Variants in DHRS4L2 observed in about 807,000 individuals in gnomAD.
DHRS4L2 encodes dehydrogenase/reductase 4 like 2.
A neutral mutation model predicts 23.9 loss-of-function variants in DHRS4L2; 22 were observed. The observed-to-expected ratio is 0.92, with a 90% CI of 0.66 to 1.31. The LOEUF (loss-of-function observed/expected upper bound fraction) is 1.31, where lower values mean the gene tolerates loss of function less well. Ranked by LOEUF, DHRS4L2 falls within the 40% of genes most tolerant of loss-of-function variation. The pLI is 0.00. For synonymous variants in DHRS4L2, 141 were observed against 123.7 expected (o/e 1.14, Z -0.93); for missense variants, 385 against 303.3 (o/e 1.27, Z -2.00).
At chr14:23,983,342 C>A (rs1225473632) in intron 1 of DHRS4L2, among the ~76,000 whole-genome samples, 4 of 151,706 alleles carry the variant, frequency 2.6e-5, no homozygotes, top group Admixed American at 2.0e-4. Context: ...TACCATCCCA[C>A]ACCAGTTAGA....
chr14:23,995,154 C>T lies in DHRS4L2; in HGVS notation c.408+21C>T, dbSNP rs748200084. On this transcript the variant is annotated intron_variant, in intron 3 of 7. Transcript: ENST00000335125. ...ACAAGGTGAGAGGGGATTAAAGAAG[C>T]GCGGAAGGGGGCCTCGGGACACATT... is the stretch of plus-strand genomic sequence containing the variant. The T allele has an allele frequency of 1.9e-5, 30 of 1,607,010 alleles. 1 individual carries two copies. Among genetic ancestry groups the T allele is most frequent in the South Asian group, 3.3e-5 (3 of 90,834 alleles).
upstream of DHRS4L2, among the ~76,000 whole-genome samples, chr14:23,985,993 C>A (rs1257263927): frequency 6.6e-6 from 1 of 151,468 alleles, no homozygotes; most frequent in Non-Finnish European, 1.5e-5. Context: ...GTTAGCCAGG[C>A]TTGTCTCAAA....
At position 23,990,989 on chromosome 14, in the gene DHRS4L2, A is replaced by G. The variant is rs2034257925; in HGVS notation, c.306+630A>G. The G allele has an allele frequency of 5.9e-6, 4 of 683,136 alleles. No homozygotes were observed. The African/African-American group carries it at 5.9e-5, about 10-fold the overall frequency. The allele number at this position is 683,136 out of a possible 1,614,324, so 42.3% of individuals were successfully genotyped here. A position where few individuals can be genotyped will look rare whatever the true frequency, so the allele number is the denominator to read the frequency against. On this transcript the variant is annotated intron_variant, in intron 2 of 7. Transcript: ENST00000335125. ...CAGTCTCAAAGAAAGTACATAAGTC[A>G]ATGTCATAATTAGTAGTGGACAACA...
At chr14:23,973,227 C>A (rs540420598) in intron 1 of DHRS4L2, among the ~76,000 whole-genome samples, 3 of 152,086 alleles carry the variant, frequency 2.0e-5, no homozygotes, top group African/African-American at 7.2e-5. Flanking sequence ...TGGGGAGAAA[C>A]CTTGGACAAT....
intron 3 of DHRS4L2, among the ~76,000 whole-genome samples, chr14:24,000,010 T>C (rs543748729): frequency 7.1e-6 from 1 of 141,320 alleles, no homozygotes; most frequent in African/African-American, 3.0e-5. Context: ...TTTTTTTTTT[T>C]TTAATTTACA....
chr14:23,994,607 G>A (rs1204611311), intron 2 of DHRS4L2, among the ~76,000 whole-genome samples: 1 of 151,610 alleles, frequency 6.6e-6, no homozygotes, highest in Non-Finnish European at 1.5e-5. Flanking sequence ...AGGATGGCTT[G>A]AACCCAGTAG....
At chr14:23,987,169 C>T (rs141116440), upstream of DHRS4L2, 21 of 319,694 alleles carry the variant, frequency 6.6e-5, no homozygotes, top group East Asian at 2.6e-3. Context: ...CTCCATCTGT[C>T]GCTCAGGTTG....
At chr14:23,987,131 G>GC, upstream of DHRS4L2, 1 of 285,366 alleles carries the variant, frequency 3.5e-6, no homozygotes, top group South Asian at 2.7e-5. Context: ...TGAAATCCTT[G>GC]TTTTTTTTCT....
upstream of DHRS4L2, among the ~76,000 whole-genome samples, chr14:23,986,086 A>T (rs1226898949): frequency 6.6e-6 from 1 of 151,240 alleles, no homozygotes; most frequent in African/African-American, 2.4e-5. Context: ...CAAACTCCTG[A>T]CCTCAAGTGA....
chr14:23,983,391 G>C (rs542636450), intron 1 of DHRS4L2, among the ~76,000 whole-genome samples: 1 of 151,732 alleles, frequency 6.6e-6, no homozygotes, highest in Non-Finnish European at 1.5e-5. Context: ...ACAGATGCTG[G>C]AGAGGATGTG....
At chr14:23,989,258 G>A (rs2034216006) in intron 1 of DHRS4L2, among the ~76,000 whole-genome samples, 183 bp downstream of exon 1, 1 of 148,928 alleles carries the variant, frequency 6.7e-6, no homozygotes, top group African/African-American at 2.5e-5. Flanking sequence ...TCCCTTGCCA[G>A]CCCTTCTGTC....
At chr14:23,974,931 G>A (rs1204324268) in intron 1 of DHRS4L2, among the ~76,000 whole-genome samples, 1 of 151,740 alleles carries the variant, frequency 6.6e-6, no homozygotes, top group Non-Finnish European at 1.5e-5. Context: ...TCAAAGCTTG[G>A]CAGAGACACA....
chr14:23,981,454 T>C (rs2034050792), intron 1 of DHRS4L2, among the ~76,000 whole-genome samples: 1 of 151,628 alleles, frequency 6.6e-6, no homozygotes, highest in Non-Finnish European at 1.5e-5. Flanking sequence ...AAAAAACTAC[T>C]TTAAATTTCA....
intron 3 of DHRS4L2, among the ~76,000 whole-genome samples, chr14:23,998,784 C>T (rs2034431529): frequency 6.7e-6 from 1 of 149,498 alleles, no homozygotes; most frequent in Non-Finnish European, 1.5e-5. Context: ...ACCTCTTTTG[C>T]TTTCTTATCA....
At chr14:23,989,770 A>C (rs2034227687) in intron 1 of DHRS4L2, among the ~76,000 whole-genome samples, 2 of 151,778 alleles carry the variant, frequency 1.3e-5, no homozygotes, top group South Asian at 4.2e-4. Flanking sequence ...CCCAAAAAAT[A>C]ATTATGGAAA....
At chr14:23,989,452 A>G (rs2034220149) in intron 1 of DHRS4L2, among the ~76,000 whole-genome samples, 1 of 151,406 alleles carries the variant, frequency 6.6e-6, no homozygotes, top group South Asian at 2.1e-4. Flanking sequence ...AAAATGTACC[A>G]TTCTATTTGG....
chr14:23,977,544 G>T (rs1382917672), intron 1 of DHRS4L2, among the ~76,000 whole-genome samples: 4 of 151,474 alleles, frequency 2.6e-5, no homozygotes, highest in Admixed American at 2.6e-4. Context: ...CATCAAAACT[G>T]CTTAAATCTG....
At chr14:23,993,512 A>G (rs1013165325) in intron 2 of DHRS4L2, among the ~76,000 whole-genome samples, 13 of 151,614 alleles carry the variant, frequency 8.6e-5, no homozygotes, top group African/African-American at 3.1e-4. Context: ...ACATACTGCA[A>G]CTTGCCCAAG....
At chr14:23,976,232 A>C (rs955521199) in intron 1 of DHRS4L2, among the ~76,000 whole-genome samples, 1 of 151,890 alleles carries the variant, frequency 6.6e-6, no homozygotes, top group Non-Finnish European at 1.5e-5. Context: ...AATATTCAGA[A>C]TCTACAAAGA....
Sources: gnomAD v4.1 joint callset for allele counts (sites outside exome capture counted in the v4.1 genomes callset) on GRCh38, gnomAD v4.1.1 for gene constraint, MANE v1.5 for transcripts, NCBI Gene and HGNC (gene_info 2026-07-23, HGNC 2026-07-21) for gene names.